Variants in TMEM132D observed in about 807,000 individuals in gnomAD.
TMEM132D encodes mature OL transmembrane protein.
Under a neutral mutation model 62.3 loss-of-function variants are expected in TMEM132D, and 21 were observed. The observed-to-expected ratio is 0.34, with a 90% CI of 0.24 to 0.49. TMEM132D has a LOEUF of 0.49. TMEM132D is among the 20% of genes least tolerant of loss of function. The pLI, the probability that TMEM132D is intolerant of heterozygous loss-of-function variation, is 0.99. For missense variants in TMEM132D, 1,346 were observed against 1,402.8 expected (o/e 0.96, Z 0.65); for synonymous variants, 621 against 575.6 (o/e 1.08, Z -1.13).
Position 129,415,917 on chromosome 12 carries a change from C to T in TMEM132D, c.1116-78100G>A, listed in dbSNP as rs1043641426. On this transcript the variant is annotated intron_variant, in intron 3 of 8. Transcript: ENST00000422113. ...TTTGCTCTTCTCTGTTAATCATTGG[C>T]CATTCTCAGCTTAGAGACACATTCT... is the stretch of plus-strand genomic sequence containing the variant. 8.5e-4 allele frequency among the ~76,000 whole-genome samples: 130 copies of T among 152,126 alleles called. 1 individual carries two copies. The highest frequency in any genetic ancestry group is 1.5e-3 in the Non-Finnish European group (103 of 68,032).
chr12:129,350,887 C>T (rs115000078), intron 3 of TMEM132D, among the ~76,000 whole-genome samples: 1,687 of 152,324 alleles, frequency 0.011, 18 homozygotes, highest in African/African-American at 0.022. Context: ...CTAAACTCCA[C>T]CCCAACTTTA....
intron 3 of TMEM132D, among the ~76,000 whole-genome samples, chr12:129,481,218 C>T (rs1874419782): frequency 1.3e-5 from 2 of 152,026 alleles, no homozygotes. Context: ...GGCACGGTGG[C>T]TCACACTTGT....
intron 4 of TMEM132D, among the ~76,000 whole-genome samples, chr12:129,239,861 G>T (rs1879889119): frequency 6.6e-6 from 1 of 152,206 alleles, no homozygotes; most frequent in Non-Finnish European, 1.5e-5. Flanking sequence ...TCAAGTTTGT[G>T]AAATTTCTAA....
intron 1 of TMEM132D, among the ~76,000 whole-genome samples, chr12:129,706,237 T>C (rs1270462665): frequency 6.6e-6 from 1 of 151,892 alleles, no homozygotes; most frequent in Admixed American, 6.6e-5. Flanking sequence ...CTATAAATTG[T>C]CTCCAGGAGA....
rs149348354 is a variant in TMEM132D, at chr12:129,420,582, G to A, written c.1116-82765C>T. Among the ~76,000 whole-genome samples the A allele has an allele frequency of 4.1e-3, 617 of 152,214 alleles. 3 individuals carry two copies. The highest frequency in any genetic ancestry group is 5.8e-3 in the Non-Finnish European group (395 of 68,028). The stretch of plus-strand genomic sequence containing the variant: ...CAATTTCTTGTGCTGGGTTGGTTGT[G>A]TGCTTCTCAAGAATCTGAAGTCCTG... On this transcript the variant is annotated intron_variant, in intron 3 of 8. Transcript: ENST00000422113.
intron 4 of TMEM132D, among the ~76,000 whole-genome samples, chr12:129,211,383 T>C (rs1013740): frequency 0.27 from 41,665 of 152,050 alleles, 5,933 homozygotes; most frequent in East Asian, 0.48. Context: ...CGCTTTATTT[T>C]CCTTCTAAGA....
At chr12:129,079,170 TTACA>T (rs1874374239) in intron 7 of TMEM132D, among the ~76,000 whole-genome samples, 1 of 152,172 alleles carries the variant, frequency 6.6e-6, no homozygotes. Context: ...GGTGTACTGG[TTACA>T]TATTGATAGC....
intron 1 of TMEM132D, among the ~76,000 whole-genome samples, chr12:129,866,051 C>T (rs920436514): frequency 7.9e-5 from 12 of 152,136 alleles, no homozygotes; most frequent in Admixed American, 3.3e-4. Flanking sequence ...GGTTTTACTC[C>T]ACACCCCCTG....
intron 5 of TMEM132D, among the ~76,000 whole-genome samples, chr12:129,206,956 G>A (rs1878865331): frequency 6.6e-6 from 1 of 152,172 alleles, no homozygotes; most frequent in South Asian, 2.1e-4. Context: ...GAAGGCTGGA[G>A]GGTGGGAAGG....
chr12:129,377,616 A>G (rs1046715562), intron 3 of TMEM132D, among the ~76,000 whole-genome samples: 5 of 152,208 alleles, frequency 3.3e-5, no homozygotes, highest in Non-Finnish European at 7.3e-5. Context: ...AATCCACAAA[A>G]GGAATCTTGT....
intron 1 of TMEM132D, among the ~76,000 whole-genome samples, chr12:129,835,873 A>C (rs1265868489): frequency 6.6e-6 from 1 of 152,114 alleles, no homozygotes; most frequent in Admixed American, 6.6e-5. Flanking sequence ...CTGACCCTCT[A>C]GGGGCTCTCT....
intron 4 of TMEM132D, among the ~76,000 whole-genome samples, chr12:129,291,280 G>C (rs948503424): frequency 2.6e-5 from 4 of 152,168 alleles, no homozygotes; most frequent in Admixed American, 2.6e-4. Flanking sequence ...AAATAATGAG[G>C]TTTCATCTTC....
chr12:129,170,504 A>C (rs1044732324), intron 5 of TMEM132D, among the ~76,000 whole-genome samples: 1 of 152,170 alleles, frequency 6.6e-6, no homozygotes, highest in African/African-American at 2.4e-5. Context: ...TATGTCTAGA[A>C]AATAACACTC....
At chr12:129,373,634 C>CAAACA (rs1015110167) in intron 3 of TMEM132D, among the ~76,000 whole-genome samples, 24 of 151,496 alleles carry the variant, frequency 1.6e-4, no homozygotes, top group Admixed American at 9.9e-4. Context: ...TTGTCTCAAA[C>CAAACA]AAACAAAACA....
At chr12:129,536,818 GAT>G (rs917365087) in intron 2 of TMEM132D, among the ~76,000 whole-genome samples, 1 of 152,172 alleles carries the variant, frequency 6.6e-6, no homozygotes, top group Non-Finnish European at 1.5e-5. Context: ...CAATGTGAAT[GAT>G]ATGTTTCCAA....
chr12:129,479,245 T>C (rs1874360313), intron 3 of TMEM132D, among the ~76,000 whole-genome samples: 1 of 152,134 alleles, frequency 6.6e-6, no homozygotes, highest in African/African-American at 2.4e-5. Context: ...TTCTTTTCAT[T>C]AAGGGGAGTA....
rs555847717 is a variant in TMEM132D, at chr12:129,267,971, A to T, written c.1300-58308T>A. ...TTTAATAAATGGTGCTGGGAAAACT[A>T]GCTAGCCATATGTAGAAAGCTGAAA... On this transcript the variant is annotated intron_variant, in intron 4 of 8. Transcript: ENST00000422113. Among the ~76,000 whole-genome samples the T allele has an allele frequency of 2.7e-3, 410 of 152,282 alleles. 2 individuals are homozygous for T. The highest frequency in any genetic ancestry group is 9.1e-3 in the African/African-American group (377 of 41,572).
At chr12:129,134,378 G>A (rs549363099) in intron 5 of TMEM132D, among the ~76,000 whole-genome samples, 38 of 152,256 alleles carry the variant, frequency 2.5e-4, no homozygotes, top group Admixed American at 2.5e-3. Flanking sequence ...CAAACAGCAT[G>A]GAACTGTGGA....
intron 4 of TMEM132D, among the ~76,000 whole-genome samples, chr12:129,224,038 T>C (rs554218143): frequency 4.1e-4 from 62 of 152,218 alleles, no homozygotes; most frequent in African/African-American, 1.5e-3. Flanking sequence ...ATCCCCCTAG[T>C]ATGACAGCCC....
Sources: gnomAD v4.1 joint callset for allele counts (sites outside exome capture counted in the v4.1 genomes callset) on GRCh38, gnomAD v4.1.1 for gene constraint, MANE v1.5 for transcripts, NCBI Gene and HGNC (gene_info 2026-07-23, HGNC 2026-07-21) for gene names.